Variants in THPO observed in about 807,000 individuals in gnomAD.
THPO encodes the protein MPL ligand.
THPO carries 12 observed loss-of-function variants against 17.0 expected under a neutral mutation model. That is an observed-to-expected ratio of 0.71 (90% CI 0.45 to 1.14). THPO has a LOEUF of 1.14. Among genes scored for constraint, THPO ranks in the 50% most tolerant of loss-of-function variants. THPO has a pLI of 0.00. For missense variants in THPO, 365 were observed against 427.5 expected, an observed-to-expected ratio of 0.85 and a Z score of 1.29; for synonymous variants, 188 against 183.0, an observed-to-expected ratio of 1.03 and a Z score of -0.22.
In THPO at chr3:184,372,424, G is replaced by A. The variant is rs932719308; in HGVS notation, c.*89C>T. ...GGCTTTGGGTTTCAGGAGAAAGTAG[G>A]AAATCTTGTCCAGTTGTCTCCCAGG... On this transcript the variant is annotated 3_prime_UTR_variant, in exon 6 of 6. Transcript: ENST00000647395. 243 of 1,518,144 alleles carry A rather than the reference G, an allele frequency of 1.6e-4. No individual in the cohort carries two copies. Among genetic ancestry groups the A allele is most frequent in the Non-Finnish European group, 2.1e-4 (227 of 1,094,866 alleles). 94.0% of individuals were successfully genotyped at this position (1,518,144 alleles called of 1,614,324 possible).
chr3:184,373,303 A>G, intron 5 of THPO, 112 bp downstream of exon 5: 1 of 1,556,334 alleles, frequency 6.4e-7, no homozygotes, highest in Non-Finnish European at 8.8e-7. Flanking sequence ...CTCTTAGTAG[A>G]TCAGCTCTTC....
At chr3:184,378,668 G>T, upstream of THPO, 1 of 445,088 alleles carries the variant, frequency 2.2e-6, no homozygotes, top group Non-Finnish European at 3.0e-6. Context: ...ATGGGTTGGT[G>T]TTATGGGGAA....
chr3:184,378,750 G>A (rs909114864), upstream of THPO: 83 of 968,924 alleles, frequency 8.6e-5, no homozygotes, highest in Middle Eastern at 1.1e-3. Context: ...ACTGGGTTAA[G>A]CCTGAGCTTA....
Position 184,372,312 on chromosome 3 carries a change from T to C in THPO, c.*201A>G, listed in dbSNP as rs1163737305. The C allele has an allele frequency of 1.1e-5, 7 of 645,676 alleles. No individual in the cohort carries two copies. Among genetic ancestry groups the C allele is most frequent in the Non-Finnish European group, 1.9e-5 (7 of 372,846 alleles). The allele number at this position is 645,676 out of a possible 1,614,324, so 40.0% of individuals were successfully genotyped here. On this transcript the variant is annotated 3_prime_UTR_variant, in exon 6 of 6. Transcript: ENST00000647395. The stretch of plus-strand genomic sequence containing the variant: ...AGCTAGCTGCTCTGATGAGTATTGC[T>C]GATAGCTTAAAAAAATAGCTTCTGA...
At position 184,372,495 on chromosome 3, in the gene THPO, C is replaced by T. The variant is rs180680111; in HGVS notation, c.*18G>A. On this transcript the variant is annotated 3_prime_UTR_variant, in exon 6 of 6. Transcript: ENST00000647395. ...GCTGTACACGAGACAATGCTGATGT[C>T]GGCAGTGTCTGAGAACCTTACCCTT... is the stretch of plus-strand genomic sequence containing the variant. 5.4e-4 allele frequency: 875 copies of T among 1,613,878 alleles called. 2 individuals carry two copies. The highest frequency in any genetic ancestry group is 3.5e-3 in the Middle Eastern group (21 of 6,024).
chr3:184,377,324 A>C (rs965787758), intron 1 of THPO, among the ~76,000 whole-genome samples: 1 of 152,174 alleles, frequency 6.6e-6, no homozygotes, highest in Admixed American at 6.5e-5. Flanking sequence ...TCTGGACTCC[A>C]AGTCCTGAAA....
Position 184,372,573 on chromosome 3 carries a change from AG to A in THPO, c.1001del (p.Pro334LeufsTer6). The A allele has an allele frequency of 6.2e-7, 1 of 1,613,836 alleles. No homozygotes were observed. The highest frequency in any genetic ancestry group is 8.5e-7 in the Non-Finnish European group (1 of 1,179,944). ...LPDPSAPTPT[P>X]TSPLLNTSYT... The stretch of plus-strand genomic sequence containing the variant: ...AGGATGTGTTTAGAAGAGGGCTGGT[AG>A]GGGTGGGCGTTGGAGCAGAAGGGTC... On this transcript the variant is annotated frameshift_variant, in exon 6 of 6. Transcript: ENST00000647395. LOFTEE classifies it low-confidence loss of function (END_TRUNC).
upstream of THPO, chr3:184,378,854 C>T (rs1714702512): frequency 1.0e-6 from 1 of 985,278 alleles, no homozygotes; most frequent in Admixed American, 6.1e-5. Flanking sequence ...CTCCGTCTTC[C>T]ATCTCCTACC....
chr3:184,373,801 C>T (rs897390594), intron 4 of THPO, among the ~76,000 whole-genome samples: 3 of 152,198 alleles, frequency 2.0e-5, no homozygotes, highest in African/African-American at 7.2e-5. Context: ...CCTGGTCTTA[C>T]ACTTGGTTTC....
At position 184,376,156 on chromosome 3, in the gene THPO, C is replaced by T. The variant is rs377280371; in HGVS notation, c.13+91G>A. 2.7e-4 allele frequency: 437 copies of T among 1,613,000 alleles called. 1 individual carries two copies. Among genetic ancestry groups the T allele is most frequent in the Non-Finnish European group, 3.4e-4 (402 of 1,179,202 alleles). On this transcript the variant is annotated intron_variant, in intron 2 of 5. Transcript: ENST00000647395. Reference sequence around the variant, plus strand: ...CCTTATTTTTGGGAGAATGGGTTCCCCCAGCTTCCTGCCCCCTGCAGCGTG... The same window carrying T: ...CCTTATTTTTGGGAGAATGGGTTCCTCCAGCTTCCTGCCCCCTGCAGCGTG...
intron 4 of THPO, among the ~76,000 whole-genome samples, chr3:184,374,017 C>G: frequency 6.6e-6 from 1 of 152,148 alleles, no homozygotes; most frequent in East Asian, 1.9e-4. Context: ...CACCTGAGGT[C>G]AGGAGTTCAA....
chr3:184,373,447 G>A lies in THPO; in HGVS notation c.364C>T (p.Leu122Phe), dbSNP rs753808620. ...CCAAGGAGGCTCTGCAGGGCCCCAA[G>A]GAGGAGACGGACCTGTCCAGAAAGC... ...GQLSGQVRLL[L>F]GALQSLLGTQ... The change falls in exon 5 of 6, where the codon CTT becomes TTT. Residue 122 changes from leucine to phenylalanine, a missense_variant. Leu to Phe is a conservative substitution (Grantham distance 22). Transcript: ENST00000647395. The A allele has an allele frequency of 6.2e-7, 1 of 1,614,068 alleles. No homozygotes were observed. The highest frequency in any genetic ancestry group is 1.1e-5 in the South Asian group (1 of 91,080).
Position 184,375,550 on chromosome 3 carries a change from C to T in THPO, c.193G>A (p.Val65Met). The T allele has an allele frequency of 6.2e-7, 1 of 1,614,208 alleles. No individual in the cohort carries two copies. Among genetic ancestry groups the T allele is most frequent in the Non-Finnish European group, 8.5e-7 (1 of 1,180,044 alleles). ...PLPTPVLLPA[V>M]DFSLGEWKTQ... ...TTCCATTCTCCCAAGCTAAAGTCCA[C>T]AGCAGGCAGCAGGACAGGTGTAGGC... Residue 65 changes from valine (V) to methionine (M), a missense_variant, in exon 4 of 6, where the codon GTG becomes ATG. Transcript: ENST00000647395.
In THPO at chr3:184,376,186, C is replaced by T; in HGVS notation, c.13+61G>A. On this transcript the variant is annotated intron_variant, in intron 2 of 5. Transcript: ENST00000647395. Reference sequence around the variant, plus strand: ...CTTCCTGCCCCCTGCAGCGTGTCTCCTTTCTCTCTCCCCTTCTGTCATGTT... The same window carrying T: ...CTTCCTGCCCCCTGCAGCGTGTCTCTTTTCTCTCTCCCCTTCTGTCATGTT... The T allele has an allele frequency of 1.9e-6, 3 of 1,613,830 alleles. No homozygotes were observed. The South Asian group carries it at 3.3e-5, about 18-fold the overall frequency.
At chr3:184,378,653 CTGTTATGGGTTGG>C (rs1331337286), upstream of THPO, among the ~76,000 whole-genome samples, 1 of 152,200 alleles carries the variant, frequency 6.6e-6, no homozygotes, top group African/African-American at 2.4e-5. Flanking sequence ...GAGAAATCTC[CTGTTATGGGTTGG>C]TGTTATGGGG....
At chr3:184,376,440 T>G in intron 1 of THPO, 36 bp from the exon 2 acceptor site, 2 of 1,498,950 alleles carry the variant, frequency 1.3e-6, no homozygotes, top group Non-Finnish European at 8.9e-7. Flanking sequence ...TTTAACCAAG[T>G]TTCTAGGAAG....
upstream of THPO, chr3:184,378,881 G>C: frequency 1.0e-6 from 1 of 985,336 alleles, no homozygotes; most frequent in Non-Finnish European, 1.2e-6. Context: ...CATGTGACAA[G>C]AGGAATAACC....
chr3:184,375,683 T>C, intron 3 of THPO, 82 bp from the exon 4 acceptor site: 1 of 1,479,442 alleles, frequency 6.8e-7, no homozygotes, highest in South Asian at 1.1e-5. Flanking sequence ...TAGTCCTCCA[T>C]GAGTACTATC....
At position 184,376,389 on chromosome 3, in the gene THPO, G is replaced by T. The variant is rs2108624201; in HGVS notation, c.-130C>A. 2 of 1,603,686 alleles carry T rather than the reference G, an allele frequency of 1.2e-6. No individual in the cohort carries two copies. The highest frequency in any genetic ancestry group is 1.7e-6 in the Non-Finnish European group (2 of 1,176,638). ...GTAGGGTGGGGCAAAGGCGGGCCAA[G>T]GGTGAAGAATCTATCCTGAAAGTAG... On this transcript the variant is annotated 5_prime_UTR_variant, in exon 2 of 6. Transcript: ENST00000647395.
Sources: allele counts gnomAD v4.1 joint callset (sites outside exome capture counted in the v4.1 genomes callset), GRCh38; gene constraint gnomAD v4.1.1; transcripts MANE v1.5; gene names NCBI Gene and HGNC (gene_info 2026-07-23, HGNC 2026-07-21).